UVRAG: variants seen among roughly 807,000 people sequenced by gnomAD.
UVRAG encodes UV radiation resistance associated.
In UVRAG, 19 loss-of-function variants were observed where a neutral mutation model predicts 78.0. The ratio of observed to expected loss-of-function variants is 0.24; its 90% CI spans 0.17 to 0.36. The LOEUF (loss-of-function observed/expected upper bound fraction) is 0.36. Among genes scored for constraint, UVRAG ranks in the 10% least tolerant of loss-of-function variants. UVRAG has a pLI of 1.00. For missense variants in UVRAG, 740 were observed against 853.8 expected, an observed-to-expected ratio of 0.87 and a Z score of 1.66; for synonymous variants, 323 against 324.6, an observed-to-expected ratio of 1.00 and a Z score of 0.05.
chr11:76,037,572 G>C (rs1235771078), intron 12 of UVRAG, among the ~76,000 whole-genome samples: 1 of 151,430 alleles, frequency 6.6e-6, no homozygotes, highest in African/African-American at 2.4e-5. Flanking sequence ...AATCAGCTGG[G>C]CGTGGTGGCA....
At chr11:76,119,909 G>A (rs1018037382) in intron 14 of UVRAG, among the ~76,000 whole-genome samples, 2 of 152,204 alleles carry the variant, frequency 1.3e-5, no homozygotes, top group Non-Finnish European at 1.5e-5. Context: ...TTCTTCCATA[G>A]TCTACTTGGC....
At chr11:76,017,712 G>T (rs1950175223) in intron 12 of UVRAG, among the ~76,000 whole-genome samples, 1 of 152,126 alleles carries the variant, frequency 6.6e-6, no homozygotes, top group Non-Finnish European at 1.5e-5. Context: ...TGGAACAATG[G>T]AAGCCAGATG....
chr11:75,971,609 A>G (rs147311006), intron 7 of UVRAG, among the ~76,000 whole-genome samples: 20 of 152,134 alleles, frequency 1.3e-4, no homozygotes, highest in African/African-American at 4.6e-4. Flanking sequence ...ACATCTTTTC[A>G]TATGCTTGCC....
At chr11:75,927,654 G>GAAGA (rs1948140094) in intron 6 of UVRAG, among the ~76,000 whole-genome samples, 2 of 152,150 alleles carry the variant, frequency 1.3e-5, no homozygotes, top group Admixed American at 6.5e-5. Flanking sequence ...GATGATCAGG[G>GAAGA]AAGACCTCAC....
At chr11:75,963,325 A>G (rs1013736878) in intron 7 of UVRAG, among the ~76,000 whole-genome samples, 15 of 152,322 alleles carry the variant, frequency 9.8e-5, no homozygotes, top group African/African-American at 3.4e-4. Flanking sequence ...ATGTCCTTTT[A>G]TAATAGGACA....
At chr11:75,896,718 C>T (rs1241712602) in intron 5 of UVRAG, among the ~76,000 whole-genome samples, 2 of 152,170 alleles carry the variant, frequency 1.3e-5, no homozygotes, top group African/African-American at 4.8e-5. Context: ...AGGGCTATCA[C>T]AGCAATCATT....
chr11:75,882,862 A>G (rs942203341), intron 4 of UVRAG, among the ~76,000 whole-genome samples: 1 of 152,178 alleles, frequency 6.6e-6, no homozygotes, highest in Non-Finnish European at 1.5e-5. Context: ...TCTTTAAACT[A>G]CATTCTAAAC....
At chr11:76,018,048 A>T (rs954740028) in intron 12 of UVRAG, among the ~76,000 whole-genome samples, 1 of 152,204 alleles carries the variant, frequency 6.6e-6, no homozygotes, top group Non-Finnish European at 1.5e-5. Context: ...ATGCATATAC[A>T]TAATAATATA....
At chr11:76,115,388 G>A (rs1952159073) in intron 13 of UVRAG, among the ~76,000 whole-genome samples, 1 of 152,170 alleles carries the variant, frequency 6.6e-6, no homozygotes, top group African/African-American at 2.4e-5. Flanking sequence ...GAGTTGCAAT[G>A]TATTTGTTTA....
chr11:75,818,937 A>G (rs917043195), intron 1 of UVRAG, among the ~76,000 whole-genome samples: 3 of 152,142 alleles, frequency 2.0e-5, no homozygotes, highest in African/African-American at 4.8e-5. Flanking sequence ...GGGCTGTTAC[A>G]TGTTTAGCCA....
intron 13 of UVRAG, among the ~76,000 whole-genome samples, chr11:76,095,568 T>C (rs1951773435): frequency 6.6e-6 from 1 of 150,562 alleles, no homozygotes; most frequent in Admixed American, 6.6e-5. Context: ...TATAAATATA[T>C]ATTTTTTAAT....
intron 13 of UVRAG, among the ~76,000 whole-genome samples, chr11:76,083,108 A>C (rs1021954568): frequency 2.6e-5 from 4 of 152,234 alleles, no homozygotes; most frequent in African/African-American, 9.6e-5. Flanking sequence ...TAAAAGTTTA[A>C]ACTAAAACAA....
At chr11:76,045,231 A>G (rs1950727243) in intron 12 of UVRAG, among the ~76,000 whole-genome samples, 1 of 152,246 alleles carries the variant, frequency 6.6e-6, no homozygotes, top group African/African-American at 2.4e-5. Flanking sequence ...TGTACATATA[A>G]GAACGTGGAA....
intron 12 of UVRAG, among the ~76,000 whole-genome samples, chr11:76,028,085 T>C (rs1231455649): frequency 6.6e-6 from 1 of 152,200 alleles, no homozygotes; most frequent in African/African-American, 2.4e-5. Flanking sequence ...TTTGTGTCTC[T>C]GTCACATTTT....
At chr11:76,085,358 G>T (rs577238773) in intron 13 of UVRAG, among the ~76,000 whole-genome samples, 13 of 152,240 alleles carry the variant, frequency 8.5e-5, no homozygotes, top group Non-Finnish European at 1.5e-4. Flanking sequence ...ATTGTGCTGG[G>T]ATTGTCTGTG....
intron 8 of UVRAG, among the ~76,000 whole-genome samples, chr11:76,002,392 C>T (rs1949832018): frequency 6.6e-6 from 1 of 151,916 alleles, no homozygotes; most frequent in Non-Finnish European, 1.5e-5. Flanking sequence ...AAGGAGTTTT[C>T]TTGAGGGGAG....
At chr11:75,962,958 A>G (rs1036184264) in intron 7 of UVRAG, among the ~76,000 whole-genome samples, 1 of 152,200 alleles carries the variant, frequency 6.6e-6, no homozygotes, top group Non-Finnish European at 1.5e-5. Context: ...AAAGAGGTCA[A>G]GTTCAGAGGT....
chr11:75,916,409 A>G (rs568811071), intron 6 of UVRAG: 2 of 152,344 alleles, frequency 1.3e-5, no homozygotes, highest in South Asian at 2.1e-4. Flanking sequence ...CATTTAATAA[A>G]TGTTAGTTTT....
At chr11:75,827,298 G>A (rs752952375) in intron 1 of UVRAG, among the ~76,000 whole-genome samples, 25 of 151,708 alleles carry the variant, frequency 1.6e-4, no homozygotes, top group Non-Finnish European at 2.1e-4. Flanking sequence ...TAATTCGTGT[G>A]TTCATATTAG....
Sources: gnomAD v4.1 joint callset for allele counts (sites outside exome capture counted in the v4.1 genomes callset) on GRCh38, gnomAD v4.1.1 for gene constraint, MANE v1.5 for transcripts, NCBI Gene and HGNC (gene_info 2026-07-23, HGNC 2026-07-21) for gene names.